Variants in COLEC10 observed in about 807,000 individuals in gnomAD.
The protein encoded by COLEC10 is collectin subfamily member 10, also known as collectin-10.
A neutral mutation model predicts 28.4 loss-of-function variants in COLEC10; 22 were observed. The ratio of observed to expected loss-of-function variants is 0.78; its 90% CI spans 0.55 to 1.11. The LOEUF is 1.11. COLEC10 is among the 50% of genes least tolerant of loss of function. The pLI is 0.00. For missense variants in COLEC10, 361 were observed against 344.1 expected (o/e 1.05, Z -0.39); for synonymous variants, 125 against 116.1 (o/e 1.08, Z -0.49).
At chr8:119,040,855 C>A (rs1480540159) in intron 2 of COLEC10, among the ~76,000 whole-genome samples, 1 of 152,126 alleles carries the variant, frequency 6.6e-6, no homozygotes, top group Non-Finnish European at 1.5e-5. Flanking sequence ...AGTGGGAAAA[C>A]CTTGACTTCT....
chr8:119,056,373 C>T (rs569989549), intron 2 of COLEC10, among the ~76,000 whole-genome samples: 34 of 152,102 alleles, frequency 2.2e-4, no homozygotes, highest in African/African-American at 7.9e-4. Context: ...GATTTTACCC[C>T]AAAAGTTTTC....
chr8:118,954,003 TTAAG>T, the COLEC10 span, among the ~76,000 whole-genome samples: 2 of 152,228 alleles, frequency 1.3e-5, no homozygotes, highest in East Asian at 1.9e-4. Context: ...ATAGTGCTCA[TTAAG>T]TGTCATTATC....
chr8:119,080,381 A>C (rs931337824), intron 1 of COLEC10, among the ~76,000 whole-genome samples: 1 of 152,232 alleles, frequency 6.6e-6, no homozygotes, highest in African/African-American at 2.4e-5. Context: ...ATCTGTTCTT[A>C]TCACAAGGAA....
At chr8:118,989,579 C>CA in the COLEC10 span, among the ~76,000 whole-genome samples, 29 of 118,058 alleles carry the variant, frequency 2.5e-4, no homozygotes, top group African/African-American at 1.1e-3. Context: ...ACACACACAC[C>CA]CCTACCTACC....
chr8:118,977,497 A>G, the COLEC10 span, among the ~76,000 whole-genome samples: 4 of 145,952 alleles, frequency 2.7e-5, no homozygotes, highest in Admixed American at 2.1e-4. Flanking sequence ...AACTATCGCA[A>G]GAACAAAAAA....
intron 1 of COLEC10, among the ~76,000 whole-genome samples, chr8:119,008,566 C>G: frequency 6.7e-6 from 1 of 150,058 alleles, no homozygotes; most frequent in South Asian, 2.1e-4. Context: ...CAGGGAGATG[C>G]TCCTAGAGAA....
the COLEC10 span, among the ~76,000 whole-genome samples, chr8:118,965,771 GC>G: frequency 1.7e-3 from 264 of 152,144 alleles, 4 homozygotes; most frequent in East Asian, 0.043. Context: ...ACAGTGCTTT[GC>G]TTTCTGCATT....
chr8:118,961,243 C>A, the COLEC10 span, among the ~76,000 whole-genome samples: 1 of 152,124 alleles, frequency 6.6e-6, no homozygotes, highest in South Asian at 2.1e-4. Flanking sequence ...GAGATAGAAT[C>A]AAAATTAAAG....
intron 3 of COLEC10, among the ~76,000 whole-genome samples, chr8:119,101,183 C>T (rs927831924): frequency 6.6e-6 from 1 of 152,090 alleles, no homozygotes; most frequent in Non-Finnish European, 1.5e-5. Flanking sequence ...CCCCTTGGGC[C>T]GTATAACTAA....
intron 1 of COLEC10, among the ~76,000 whole-genome samples, chr8:119,088,937 A>G (rs1382465647): frequency 7.1e-6 from 1 of 141,260 alleles, no homozygotes; most frequent in East Asian, 2.0e-4. Context: ...GAAAAGTGAG[A>G]CTCAGAGAGG....
rs1429126368 is a variant in COLEC10 at position 119,089,678 on chromosome 8, A to G, written c.149-2A>G. On this transcript the variant is annotated splice_acceptor_variant, in intron 1 of 5. Coordinates refer to ENST00000332843, the MANE Select transcript of COLEC10 (RefSeq NM_006438.5). LOFTEE classifies it high-confidence loss of function. ...ACTCTATCTCATTTTCTGTTTCAAA[A>G]GGAGATGATGGTGAAAAAGGAGATC... 22 of 1,612,318 alleles carry G rather than the reference A, an allele frequency of 1.4e-5. No individual in the cohort carries two copies. Among genetic ancestry groups the G allele is most frequent in the Non-Finnish European group, 1.9e-5 (22 of 1,178,596 alleles).
At chr8:119,055,881 A>G (rs1814751664) in intron 2 of COLEC10, among the ~76,000 whole-genome samples, 1 of 151,836 alleles carries the variant, frequency 6.6e-6, no homozygotes, top group Non-Finnish European at 1.5e-5. Flanking sequence ...CTATTTTTTG[A>G]GCTCTCATTC....
At chr8:119,100,148 A>G (rs146509396) in intron 3 of COLEC10, among the ~76,000 whole-genome samples, 16 of 152,278 alleles carry the variant, frequency 1.1e-4, no homozygotes, top group South Asian at 4.2e-4. Context: ...CATTTTTCAA[A>G]CACCTTGCTT....
At chr8:119,101,548 C>T (rs1815826370) in intron 3 of COLEC10, among the ~76,000 whole-genome samples, 1 of 152,098 alleles carries the variant, frequency 6.6e-6, no homozygotes, top group African/African-American at 2.4e-5. Context: ...AAAATGGTTA[C>T]ATATAAAGAA....
chr8:118,993,836 TG>T (rs1389547222), upstream of COLEC10, among the ~76,000 whole-genome samples: 4 of 152,304 alleles, frequency 2.6e-5, no homozygotes, highest in African/African-American at 9.6e-5. Context: ...ATATGAATTT[TG>T]GGGTACTTAA....
the COLEC10 span, among the ~76,000 whole-genome samples, chr8:118,957,369 G>A: frequency 6.6e-6 from 1 of 152,194 alleles, no homozygotes; most frequent in African/African-American, 2.4e-5. Context: ...CGGCTATGAA[G>A]GCCTACTTTA....
chr8:119,070,338 G>A (rs1011572340), intron 1 of COLEC10, among the ~76,000 whole-genome samples: 4 of 152,092 alleles, frequency 2.6e-5, no homozygotes, highest in East Asian at 1.9e-4. Flanking sequence ...TAACAATTTT[G>A]AGAATAAGTT....
At chr8:118,986,054 A>C in the COLEC10 span, among the ~76,000 whole-genome samples, 1 of 152,154 alleles carries the variant, frequency 6.6e-6, no homozygotes, top group Non-Finnish European at 1.5e-5. Flanking sequence ...TCTAGTCATG[A>C]TGATCCCATG....
chr8:119,079,759 C>CT (rs1815332592), intron 1 of COLEC10, among the ~76,000 whole-genome samples: 1 of 127,662 alleles, frequency 7.8e-6, no homozygotes, highest in Non-Finnish European at 1.6e-5. Context: ...ACTTGAAATC[C>CT]CCAGTTGTTT....
Sources: allele counts gnomAD v4.1 joint callset (sites outside exome capture counted in the v4.1 genomes callset), GRCh38; gene constraint gnomAD v4.1.1; transcripts MANE v1.5; gene names NCBI Gene and HGNC (gene_info 2026-07-23, HGNC 2026-07-21).